The following SLC1A2 variants were observed in gnomAD, a reference collection of about 807,000 sequenced individuals.
SLC1A2 encodes excitatory amino acid transporter 2.
A neutral mutation model predicts 48.8 loss-of-function variants in SLC1A2; 15 were observed. That is an observed-to-expected ratio of 0.31 (90% confidence interval 0.21 to 0.47). SLC1A2 has a LOEUF of 0.47. Among genes scored for constraint, SLC1A2 ranks in the 20% least tolerant of loss-of-function variants. The pLI, the probability that SLC1A2 is intolerant of heterozygous loss-of-function variation, is 0.99. For synonymous variants in SLC1A2, 279 were observed against 272.6 expected, an observed-to-expected ratio of 1.02 and a Z score of -0.23; for missense variants, 502 against 730.5, an observed-to-expected ratio of 0.69 and a Z score of 3.61.
chr11:35,369,351 A>T (rs577773513), intron 1 of SLC1A2, among the ~76,000 whole-genome samples: 1 of 152,350 alleles, frequency 6.6e-6, no homozygotes, highest in East Asian at 1.9e-4. Context: ...AGCATCACTC[A>T]TGAGCTCTGA....
At chr11:35,403,306 T>C (rs1855189210) in intron 1 of SLC1A2, among the ~76,000 whole-genome samples, 1 of 152,242 alleles carries the variant, frequency 6.6e-6, no homozygotes, top group Admixed American at 6.5e-5. Context: ...CCTAGGTCTT[T>C]CTGAGTATAA....
At chr11:35,320,944 T>C (rs1012952568) in intron 1 of SLC1A2, among the ~76,000 whole-genome samples, 8 of 152,154 alleles carry the variant, frequency 5.3e-5, no homozygotes, top group Non-Finnish European at 1.2e-4. Context: ...TAGTCCATTC[T>C]CACTCTGCTA....
chr11:35,400,165 T>C (rs1185226890), intron 1 of SLC1A2, among the ~76,000 whole-genome samples: 1 of 152,220 alleles, frequency 6.6e-6, no homozygotes, highest in Non-Finnish European at 1.5e-5. Flanking sequence ...GTGATTTCCC[T>C]TCTAGCAACC....
chr11:35,343,841 C>T (rs887411826), intron 1 of SLC1A2, among the ~76,000 whole-genome samples: 1 of 150,230 alleles, frequency 6.7e-6, no homozygotes, highest in African/African-American at 2.4e-5. Flanking sequence ...CACACACAGG[C>T]ACACACACAC....
chr11:35,271,615 G>T (rs10768123), intron 9 of SLC1A2, among the ~76,000 whole-genome samples: 55,561 of 151,892 alleles, frequency 0.37, 10,509 homozygotes, highest in South Asian at 0.53. Context: ...AGGCTGAGGT[G>T]GGTGGATCAT....
At chr11:35,392,748 C>T (rs1854822906) in intron 1 of SLC1A2, among the ~76,000 whole-genome samples, 1 of 152,154 alleles carries the variant, frequency 6.6e-6, no homozygotes, top group Non-Finnish European at 1.5e-5. Flanking sequence ...GCTTGGCACC[C>T]TTAGGACCTC....
At chr11:35,326,165 A>T (rs1852245269) in intron 1 of SLC1A2, among the ~76,000 whole-genome samples, 1 of 152,116 alleles carries the variant, frequency 6.6e-6, no homozygotes, top group Non-Finnish European at 1.5e-5. Flanking sequence ...TTCACCCAAC[A>T]AGGCCTTTGG....
Position 35,393,117 on chromosome 11 carries a change from T to C in SLC1A2, c.17+25833A>G, listed in dbSNP as rs570577864. ...CTGGTCCTAGATTCAAACATCTCTA[T>C]CCTCCTTCTTGGTGCCAGGTGTCCC... On this transcript the variant is annotated intron_variant, in intron 1 of 10. Coordinates refer to ENST00000278379, the MANE Select transcript of SLC1A2 (RefSeq NM_004171.4). Among the ~76,000 whole-genome samples the C allele has an allele frequency of 3.3e-5, 5 of 152,258 alleles. No homozygotes were observed. The East Asian group carries it at 5.8e-4, about 18-fold the overall frequency.
chr11:35,297,718 A>C (rs528093601), intron 6 of SLC1A2: 3 of 152,342 alleles, frequency 2.0e-5, no homozygotes, highest in African/African-American at 4.8e-5. Flanking sequence ...AGGGGTTTTC[A>C]GGTTTCTTAA....
chr11:35,325,650 T>A (rs1225943921), intron 1 of SLC1A2, among the ~76,000 whole-genome samples: 1 of 152,018 alleles, frequency 6.6e-6, no homozygotes, highest in African/African-American at 2.4e-5. Context: ...TGGTTTCAAG[T>A]GGGGAAGTCA....
chr11:35,390,407 T>C (rs1425773752), intron 1 of SLC1A2, among the ~76,000 whole-genome samples: 2 of 152,196 alleles, frequency 1.3e-5, no homozygotes, highest in African/African-American at 2.4e-5. Context: ...ATTTGATTTT[T>C]TTTAAGTAAG....
chr11:35,328,295 C>T (rs1852312627), intron 1 of SLC1A2, among the ~76,000 whole-genome samples: 1 of 152,146 alleles, frequency 6.6e-6, no homozygotes, highest in South Asian at 2.1e-4. Flanking sequence ...GGGAAGGACT[C>T]CCCCATCAGA....
intron 1 of SLC1A2, among the ~76,000 whole-genome samples, chr11:35,345,985 A>C (rs1853017152): frequency 6.6e-6 from 1 of 152,232 alleles, no homozygotes; most frequent in Admixed American, 6.5e-5. Flanking sequence ...TCACAGAGAA[A>C]TTAAGTAACT....
intron 1 of SLC1A2, chr11:35,413,566 G>C (rs1278727521): frequency 1.3e-5 from 2 of 152,148 alleles, no homozygotes; most frequent in Non-Finnish European, 2.9e-5. Flanking sequence ...AGAGAAGCCA[G>C]AATCAGGATT....
At chr11:35,355,080 C>T (rs1389798322) in intron 1 of SLC1A2, among the ~76,000 whole-genome samples, 2 of 152,114 alleles carry the variant, frequency 1.3e-5, no homozygotes, top group Non-Finnish European at 2.9e-5. Flanking sequence ...TAAACCATAA[C>T]ATTTACATAG....
At chr11:35,413,161 T>C (rs1443267996) in intron 1 of SLC1A2, among the ~76,000 whole-genome samples, 1 of 152,206 alleles carries the variant, frequency 6.6e-6, no homozygotes, top group Non-Finnish European at 1.5e-5. Context: ...ATGAGAAAAG[T>C]AGTCTCAGAA....
chr11:35,263,290 A>G (rs1483654173), intron 10 of SLC1A2, among the ~76,000 whole-genome samples: 2 of 152,002 alleles, frequency 1.3e-5, no homozygotes, highest in African/African-American at 4.8e-5. Context: ...ACATGGAGAA[A>G]CCCCATCTCT....
At chr11:35,345,126 A>T (rs1429243057) in intron 1 of SLC1A2, among the ~76,000 whole-genome samples, 2 of 152,272 alleles carry the variant, frequency 1.3e-5, no homozygotes, top group African/African-American at 4.8e-5. Context: ...GAACCCAAGC[A>T]ATCCAGTCCA....
At chr11:35,392,623 C>T (rs988825252) in intron 1 of SLC1A2, among the ~76,000 whole-genome samples, 1 of 152,212 alleles carries the variant, frequency 6.6e-6, no homozygotes, top group African/African-American at 2.4e-5. Flanking sequence ...CACCCTTTGG[C>T]TGCCTAAATT....
Sources: gnomAD v4.1 joint callset for allele counts (sites outside exome capture counted in the v4.1 genomes callset) on GRCh38, gnomAD v4.1.1 for gene constraint, MANE v1.5 for transcripts, NCBI Gene and HGNC (gene_info 2026-07-23, HGNC 2026-07-21) for gene names.